The following AGAP1 variants were observed in gnomAD, a reference collection of about 807,000 sequenced individuals.
AGAP1 encodes the protein ArfGAP with GTPase domain, ankyrin repeat and PH domain 1.
Under a neutral mutation model 105.3 loss-of-function variants are expected in AGAP1, and 29 were observed. The ratio of observed to expected loss-of-function variants is 0.28; its 90% CI spans 0.21 to 0.38. The LOEUF (loss-of-function observed/expected upper bound fraction) is 0.38. AGAP1 is among the 10% of genes least tolerant of loss of function. The pLI is 1.00. For synonymous variants in AGAP1, 509 were observed against 485.9 expected, an observed-to-expected ratio of 1.05 and a Z score of -0.63; for missense variants, 998 against 1,165.1, an observed-to-expected ratio of 0.86 and a Z score of 2.09.
At position 235,550,186 on chromosome 2, in the gene AGAP1, A is replaced by G. The variant is rs1943759832; in HGVS notation, c.163+55337A>G. On this transcript the variant is annotated intron_variant, in intron 1 of 17. Coordinates refer to ENST00000304032, the MANE Select transcript of AGAP1 (RefSeq NM_001037131.3). The surrounding 1 kb of genome is among the most constrained non-coding windows in gnomAD (Gnocchi z 4.6). Reference sequence around the variant, plus strand: ...CACTCCCAGCACCCGTGGCAGTCTTAGCAGGTGGATTATCACCGAGCACAC... The same window carrying G: ...CACTCCCAGCACCCGTGGCAGTCTTGGCAGGTGGATTATCACCGAGCACAC... Among the ~76,000 whole-genome samples, 1 of 152,160 alleles carries G rather than the reference A, an allele frequency of 6.6e-6. No homozygotes were observed. Among genetic ancestry groups the G allele is most frequent in the African/African-American group, 2.4e-5 (1 of 41,440 alleles).
At position 235,741,072 on chromosome 2, in the gene AGAP1, G is replaced by A. The variant is rs1431293814; in HGVS notation, c.396+24G>A. On this transcript the variant is annotated intron_variant, in intron 4 of 17. Transcript: ENST00000304032. This position sits in a 1 kb window ranked among gnomAD's most constrained non-coding sequence, Gnocchi z 4.9. ...AGGTGAGTATACATGCATGCCCCAAGCCTGCTTTTTTTCCCTTTGTTTTCT... is the reference window on the plus strand; with the variant it reads ...AGGTGAGTATACATGCATGCCCCAAACCTGCTTTTTTTCCCTTTGTTTTCT... 1 of 1,549,742 alleles carries A rather than the reference G, an allele frequency of 6.5e-7. No homozygotes were observed. The highest frequency in any genetic ancestry group is 1.4e-5 in the African/African-American group (1 of 73,852).
Position 235,958,404 on chromosome 2 carries a change from C to T in AGAP1, c.1484-10058C>T, listed in dbSNP as rs1035872034. 6.6e-6 allele frequency among the ~76,000 whole-genome samples: 1 copy of T among 152,090 alleles called. No individual in the cohort carries two copies. Among genetic ancestry groups the T allele is most frequent in the Non-Finnish European group, 1.5e-5 (1 of 68,022 alleles). On this transcript the variant is annotated intron_variant, in intron 12 of 17. Transcript: ENST00000304032. This position sits in a 1 kb window ranked among gnomAD's most constrained non-coding sequence, Gnocchi z 4.1. ...GGCTTGCAGAGATCAAGTGCACCTA[C>T]GCCCAGCACCTCCCCCAGCGGACAC...
chr2:235,855,804 A>G lies in AGAP1; in HGVS notation c.1051-27541A>G, dbSNP rs1054333931. Among the ~76,000 whole-genome samples, 2 of 152,306 alleles carry G rather than the reference A, an allele frequency of 1.3e-5. No homozygotes were observed. Among genetic ancestry groups the G allele is most frequent in the Middle Eastern group, 3.4e-3 (1 of 294 alleles). ...GACACGTCCTTGAGGCTCATGCCTT[A>G]GAGGAAATGCCTTGTTTACCCTATG... On this transcript the variant is annotated intron_variant, in intron 9 of 17. Coordinates refer to ENST00000304032, the MANE Select transcript of AGAP1 (RefSeq NM_001037131.3). The surrounding 1 kb of genome is among the most constrained non-coding windows in gnomAD (Gnocchi z 5.0).
chr2:235,975,615 G>T (rs2054828112), intron 13 of AGAP1, among the ~76,000 whole-genome samples: 1 of 152,202 alleles, frequency 6.6e-6, no homozygotes, highest in African/African-American at 2.4e-5. Flanking sequence ...CTGGCAAGGA[G>T]TCAGGGCCCA....
chr2:235,587,999 A>T (rs1425443249), intron 1 of AGAP1, among the ~76,000 whole-genome samples: 1 of 151,988 alleles, frequency 6.6e-6, no homozygotes, highest in Non-Finnish European at 1.5e-5. Context: ...GGAGGCCGAC[A>T]TGCGTGGATC....
intron 6 of AGAP1, among the ~76,000 whole-genome samples, chr2:235,795,294 G>T (rs547996538): frequency 5.9e-5 from 9 of 152,250 alleles, no homozygotes; most frequent in African/African-American, 2.2e-4. Context: ...TAAGTGAGGC[G>T]CCCAGAGATT....
Position 236,050,480 on chromosome 2 carries a change from C to A in AGAP1, c.2114+1199C>A, listed in dbSNP as rs1576172908. Reference sequence around the variant, plus strand: ...AGTGTAGACAGGGGTAAGTTTCTTACAAACCGAAGAAATTATGCACTTTAA... The same window carrying A: ...AGTGTAGACAGGGGTAAGTTTCTTAAAAACCGAAGAAATTATGCACTTTAA... On this transcript the variant is annotated intron_variant, in intron 16 of 17. Coordinates refer to ENST00000304032, the MANE Select transcript of AGAP1 (RefSeq NM_001037131.3). The surrounding 1 kb of genome is among the most constrained non-coding windows in gnomAD (Gnocchi z 4.0). Among the ~76,000 whole-genome samples the A allele has an allele frequency of 1.3e-5, 2 of 152,228 alleles. No individual in the cohort carries two copies. Among genetic ancestry groups the A allele is most frequent in the South Asian group, 4.1e-4 (2 of 4,822 alleles).
chr2:235,754,411 T>C lies in AGAP1; in HGVS notation c.673+3923T>C, dbSNP rs554655695. Among the ~76,000 whole-genome samples, 161 of 149,436 alleles carry C rather than the reference T, an allele frequency of 1.1e-3. 1 individual carries two copies. The highest frequency in any genetic ancestry group is 1.9e-3 in the African/African-American group (79 of 40,876). On this transcript the variant is annotated intron_variant, in intron 6 of 17. Coordinates refer to ENST00000304032, the MANE Select transcript of AGAP1 (RefSeq NM_001037131.3). The surrounding 1 kb of genome is among the most constrained non-coding windows in gnomAD (Gnocchi z 4.6). ...GGAAAAGCGTGTAATTTCTACATAA[T>C]GTTTGGCTTGTAAATAAAAAAAAAA...
rs560143296 is a variant in AGAP1, at chr2:235,671,121, A to G, written c.164-38058A>G. 6.5e-6 allele frequency: 8 copies of G among 1,238,914 alleles called. No homozygotes were observed. In the South Asian group the frequency reaches 2.8e-4, roughly 44 times the overall value. The allele number at this position is 1,238,914 out of a possible 1,614,324, so 76.7% of individuals were successfully genotyped here. A position where few individuals can be genotyped will look rare whatever the true frequency, so the allele number is the denominator to read the frequency against. On this transcript the variant is annotated intron_variant, in intron 1 of 17. Transcript: ENST00000304032. ...CGTGGTGGGGACTTGCCGGTTCCGC[A>G]GCGGCTATGGGACCCGCCCTCCCGG...
chr2:235,884,996 G>A (rs114837893), intron 10 of AGAP1, among the ~76,000 whole-genome samples: 3,513 of 152,202 alleles, frequency 0.023, 79 homozygotes, highest in Middle Eastern at 0.031. Context: ...TTACAGTCAT[G>A]AGCCATGACA....
In AGAP1 at chr2:235,614,019, T is replaced by C. The variant is rs938934082; in HGVS notation, c.164-95160T>C. ...GAATCTTTGGTATGGTTTTTTTTTT[T>C]TCCCCCTTTTGTGTGTTTTGGCCAA... On this transcript the variant is annotated intron_variant, in intron 1 of 17. Transcript: ENST00000304032. This position sits in a 1 kb window ranked among gnomAD's most constrained non-coding sequence, Gnocchi z 4.7. Among the ~76,000 whole-genome samples, 6 of 152,074 alleles carry C rather than the reference T, an allele frequency of 3.9e-5. No homozygotes were observed. Among genetic ancestry groups the C allele is most frequent in the African/African-American group, 1.4e-4 (6 of 41,410 alleles).
At chr2:235,917,737 G>T (rs992208379) in intron 11 of AGAP1, among the ~76,000 whole-genome samples, 78 of 152,274 alleles carry the variant, frequency 5.1e-4, no homozygotes, top group African/African-American at 1.8e-3. Flanking sequence ...ACAAAGGTTT[G>T]ATCTAATGGG....
rs372274993 is a variant in AGAP1 at position 235,883,305 on chromosome 2, T to C, written c.1051-40T>C. On this transcript the variant is annotated intron_variant, in intron 9 of 17. Coordinates refer to ENST00000304032, the MANE Select transcript of AGAP1 (RefSeq NM_001037131.3). This position sits in a 1 kb window ranked among gnomAD's most constrained non-coding sequence, Gnocchi z 4.5. ...GTGTACCTGCCTTTTCTTTTTTTTATTTACATTAGAATTTCTATTTGGCTC... is the reference window on the plus strand; with the variant it reads ...GTGTACCTGCCTTTTCTTTTTTTTACTTACATTAGAATTTCTATTTGGCTC... 20 of 1,581,934 alleles carry C rather than the reference T, an allele frequency of 1.3e-5. No homozygotes were observed. The highest frequency in any genetic ancestry group is 2.7e-5 in the African/African-American group (2 of 73,746).
chr2:236,023,680 C>A (rs1263685321), intron 13 of AGAP1, among the ~76,000 whole-genome samples: 3 of 152,130 alleles, frequency 2.0e-5, no homozygotes, highest in Non-Finnish European at 4.4e-5. Flanking sequence ...CTTGGTAGAT[C>A]CTGCACTCTT....
In AGAP1 at chr2:235,906,697, CA is replaced by C. The variant is rs1367981229; in HGVS notation, c.1156-2040del. ...GCTCACCCACCTGACCATGGTTGGG[CA>C]GGGAGAAAACAGCTCTTCTCATCCT... On this transcript the variant is annotated intron_variant, in intron 10 of 17. Transcript: ENST00000304032. The surrounding 1 kb of genome is among the most constrained non-coding windows in gnomAD (Gnocchi z 5.3). 6.7e-6 allele frequency among the ~76,000 whole-genome samples: 1 copy of C among 150,244 alleles called. No individual in the cohort carries two copies. Among genetic ancestry groups the C allele is most frequent in the East Asian group, 1.9e-4 (1 of 5,180 alleles).
chr2:235,735,262 C>T (rs1367053104), intron 3 of AGAP1, among the ~76,000 whole-genome samples: 2 of 152,184 alleles, frequency 1.3e-5, no homozygotes, highest in African/African-American at 4.8e-5. Flanking sequence ...GACAGAAATG[C>T]CAAACATCTG....
chr2:236,007,911 A>G (rs1321629670), intron 13 of AGAP1, among the ~76,000 whole-genome samples: 1 of 152,266 alleles, frequency 6.6e-6, no homozygotes, highest in African/African-American at 2.4e-5. Flanking sequence ...CCCCGGCACC[A>G]GTGCTGCTCA....
intron 9 of AGAP1, among the ~76,000 whole-genome samples, chr2:235,838,100 C>T (rs1330063982): frequency 6.6e-6 from 1 of 152,208 alleles, no homozygotes. Flanking sequence ...GCAAGAGAAT[C>T]ACGTGAACCC....
At chr2:235,512,324 C>T (rs1012019216) in intron 1 of AGAP1, among the ~76,000 whole-genome samples, 8 of 152,188 alleles carry the variant, frequency 5.3e-5, no homozygotes, top group African/African-American at 1.9e-4. Context: ...TGGCCAGGTG[C>T]ATTGGCTCAC....
Sources: allele counts gnomAD v4.1 joint callset (sites outside exome capture counted in the v4.1 genomes callset), GRCh38; gene constraint gnomAD v4.1.1; non-coding constraint Gnocchi (gnomAD v3.1); transcripts MANE v1.5; gene names NCBI Gene and HGNC (gene_info 2026-07-23, HGNC 2026-07-21).